The following NRF1 variants were observed in gnomAD, a reference collection of about 807,000 sequenced individuals.
NRF1 encodes alpha palindromic-binding protein.
A neutral mutation model predicts 58.5 loss-of-function variants in NRF1; 5 were observed. The observed-to-expected ratio is 0.09, with a 90% CI of 0.04 to 0.18. The LOEUF (loss-of-function observed/expected upper bound fraction) is 0.18, where lower values mean the gene tolerates loss of function less well. NRF1 is among the 10% of genes least tolerant of loss of function. The probability of loss-of-function intolerance (pLI) is 1.00; values close to 1 mark genes in which losing one functional copy is unlikely to be tolerated. For synonymous variants in NRF1, 224 were observed against 246.7 expected, an observed-to-expected ratio of 0.91 and a Z score of 0.86; for missense variants, 288 against 657.7, an observed-to-expected ratio of 0.44 and a Z score of 6.15.
intron 10 of NRF1, among the ~76,000 whole-genome samples, chr7:129,752,997 G>A (rs906361286): frequency 7.9e-5 from 12 of 152,108 alleles, no homozygotes; most frequent in Admixed American, 2.0e-4. Context: ...CTAGTGATGC[G>A]TCACCATAAC....
rs1803852046 is a variant in NRF1 at position 129,741,799 on chromosome 7, T to C, written c.1349-13219T>C. Among the ~76,000 whole-genome samples the C allele has an allele frequency of 6.6e-6, 1 of 152,188 alleles. No homozygotes were observed. Among genetic ancestry groups the C allele is most frequent in the Admixed American group, 6.5e-5 (1 of 15,282 alleles). ...GGTTTGGGGCCCTCTGGCTCTCAGGTTACCTGTGTAAATACAGGGATTCAC... is the reference window on the plus strand; with the variant it reads ...GGTTTGGGGCCCTCTGGCTCTCAGGCTACCTGTGTAAATACAGGGATTCAC... On this transcript the variant is annotated intron_variant, in intron 10 of 10. Transcript: ENST00000393232. This position sits in a 1 kb window ranked among gnomAD's most constrained non-coding sequence, Gnocchi z 4.0.
chr7:129,690,312 A>T, intron 4 of NRF1, 94 bp from the exon 5 acceptor site: 1 of 1,337,296 alleles, frequency 7.5e-7, no homozygotes, highest in Non-Finnish European at 1.0e-6. Flanking sequence ...GCAATGGCTC[A>T]GGAAGGCCAG....
At chr7:129,662,383 A>AAT (rs1345216309) in intron 2 of NRF1, among the ~76,000 whole-genome samples, 2 of 145,744 alleles carry the variant, frequency 1.4e-5, no homozygotes, top group Non-Finnish European at 3.0e-5. Flanking sequence ...TAGAATTTCT[A>AAT]GTGTGTGTGT....
intron 4 of NRF1, 46 bp downstream of exon 4, chr7:129,677,804 G>C: frequency 6.2e-7 from 1 of 1,606,158 alleles, no homozygotes; most frequent in East Asian, 2.2e-5. Flanking sequence ...GCTTTCTGTC[G>C]GCTGCTTCCA....
At chr7:129,683,052 T>C (rs1802356735) in intron 4 of NRF1, among the ~76,000 whole-genome samples, 1 of 151,610 alleles carries the variant, frequency 6.6e-6, no homozygotes, top group Non-Finnish European at 1.5e-5. Flanking sequence ...TGCCTCAGCC[T>C]CCTGAGTAGC....
At chr7:129,618,730 C>G (rs1393960574) in intron 1 of NRF1, among the ~76,000 whole-genome samples, 1 of 152,012 alleles carries the variant, frequency 6.6e-6, no homozygotes, top group Non-Finnish European at 1.5e-5. Context: ...GATTGAGTAT[C>G]CTTTATCCAA....
intron 10 of NRF1, among the ~76,000 whole-genome samples, chr7:129,752,845 G>A (rs1234164843): frequency 6.6e-6 from 1 of 152,150 alleles, no homozygotes; most frequent in African/African-American, 2.4e-5. Context: ...CCAAGGCCTG[G>A]CCCTTCTGCG....
chr7:129,719,572 G>A (rs1269527107), intron 9 of NRF1, among the ~76,000 whole-genome samples: 29 of 149,438 alleles, frequency 1.9e-4, no homozygotes, highest in Admixed American at 1.9e-3. Flanking sequence ...TACCTAGTTA[G>A]TCCCTAGTGA....
chr7:129,684,207 T>C (rs1802392580), intron 4 of NRF1, among the ~76,000 whole-genome samples: 1 of 152,136 alleles, frequency 6.6e-6, no homozygotes, highest in Non-Finnish European at 1.5e-5. Flanking sequence ...AGTAGACTTG[T>C]TAAATTCAAG....
intron 1 of NRF1, among the ~76,000 whole-genome samples, chr7:129,648,544 G>T (rs1801464469): frequency 6.6e-6 from 1 of 152,074 alleles, no homozygotes; most frequent in Non-Finnish European, 1.5e-5. Flanking sequence ...CTCCCAAAGT[G>T]CTGAGATTAC....
intron 10 of NRF1, among the ~76,000 whole-genome samples, chr7:129,748,185 G>A (rs1180430444): frequency 1.5e-5 from 2 of 136,040 alleles, no homozygotes; most frequent in African/African-American, 2.7e-5. Context: ...TGAGGCAGGA[G>A]AATCACTTGA....
At chr7:129,680,304 A>G (rs183527830) in intron 4 of NRF1, among the ~76,000 whole-genome samples, 36 of 152,350 alleles carry the variant, frequency 2.4e-4, no homozygotes, top group East Asian at 1.3e-3. Flanking sequence ...ATACCTCTTC[A>G]TACCCACAGG....
At chr7:129,673,958 G>A (rs547726338) in intron 3 of NRF1, among the ~76,000 whole-genome samples, 3 of 151,950 alleles carry the variant, frequency 2.0e-5, no homozygotes, top group Admixed American at 6.6e-5. Context: ...TGGCCACCAT[G>A]GTGAAACCCC....
At chr7:129,637,474 T>A (rs2032537048) in intron 1 of NRF1, among the ~76,000 whole-genome samples, 1 of 152,190 alleles carries the variant, frequency 6.6e-6, no homozygotes, top group Admixed American at 6.5e-5. Context: ...ATAAAAGTAA[T>A]CACAGTCTTA....
rs756558376 is a variant in NRF1, at chr7:129,671,549, G to A, written c.338+6G>A. The A allele has an allele frequency of 6.9e-7, 1 of 1,447,826 alleles. No homozygotes were observed. The highest frequency in any genetic ancestry group is 1.1e-5 in the South Asian group (1 of 87,774). The allele number at this position is 1,447,826 out of a possible 1,614,324, so 89.7% of individuals were successfully genotyped here. ...CAACAAACACGTTTGCTTCGGTGAG[G>A]GCTCCCTTATCCATATTGTTACTAT... On this transcript the variant is annotated splice_donor_region_variant and intron_variant, in intron 3 of 10. Coordinates refer to ENST00000393232, the MANE Select transcript of NRF1 (RefSeq NM_005011.5).
chr7:129,656,936 C>G (rs1176691617), intron 1 of NRF1, among the ~76,000 whole-genome samples: 2 of 152,206 alleles, frequency 1.3e-5, no homozygotes, highest in East Asian at 3.8e-4. Flanking sequence ...TTATTTGACT[C>G]TCACTCGTCT....
intron 5 of NRF1, among the ~76,000 whole-genome samples, chr7:129,708,818 G>T (rs1397606142): frequency 2.6e-5 from 4 of 152,082 alleles, no homozygotes; most frequent in Non-Finnish European, 5.9e-5. Flanking sequence ...AAACTTAGGG[G>T]TAGATATTCT....
At chr7:129,721,398 G>A (rs1309715437) in intron 9 of NRF1, among the ~76,000 whole-genome samples, 1 of 151,878 alleles carries the variant, frequency 6.6e-6, no homozygotes, top group African/African-American at 2.4e-5. Context: ...TCTTCTCAAG[G>A]AATTTTAGAA....
chr7:129,657,808 A>G (rs1028146616), intron 2 of NRF1, among the ~76,000 whole-genome samples: 1 of 151,976 alleles, frequency 6.6e-6, no homozygotes, highest in Non-Finnish European at 1.5e-5. Flanking sequence ...CAGAAATGTC[A>G]CTGTGTTACC....
Sources: allele counts gnomAD v4.1 joint callset (sites outside exome capture counted in the v4.1 genomes callset), GRCh38; gene constraint gnomAD v4.1.1; non-coding constraint Gnocchi (gnomAD v3.1); transcripts MANE v1.5; gene names NCBI Gene and HGNC (gene_info 2026-07-23, HGNC 2026-07-21).